The following CAMK2B variants were observed in gnomAD, a reference collection of about 807,000 sequenced individuals.
The protein encoded by CAMK2B is calcium/calmodulin-dependent protein kinase type II subunit beta.
Under a neutral mutation model 93.7 loss-of-function variants are expected in CAMK2B, and 27 were observed. The ratio of observed to expected loss-of-function variants is 0.29; its 90% CI spans 0.21 to 0.40. CAMK2B has a LOEUF of 0.40. Ranked by LOEUF, CAMK2B falls within the 10% of genes least tolerant of loss-of-function variation. The pLI, the probability that CAMK2B is intolerant of heterozygous loss-of-function variation, is 1.00. For synonymous variants in CAMK2B, 374 were observed against 358.8 expected (o/e 1.04, Z -0.48); for missense variants, 568 against 895.8 (o/e 0.63, Z 4.67).
At chr7:44,242,757 G>GACCCCAAT in intron 8 of CAMK2B, 103 bp from the exon 9 acceptor site, 1 of 792,766 alleles carries the variant, frequency 1.3e-6, no homozygotes, top group Non-Finnish European at 2.1e-6. Flanking sequence ...GCCCTGGGAG[G>GACCCCAAT]GCATTGGGGT....
rs1184216923 is a variant in CAMK2B, at chr7:44,220,052, A to G, written c.*2+8T>C. ...TGCCCCAGCTGTCACTTAGCACAGA[A>G]CACTCACCTTCACTGCAGCGGGGCC... On this transcript the variant is annotated splice_region_variant and intron_variant, in intron 23 of 23. Transcript: ENST00000395749. 6.4e-7 allele frequency: 1 copy of G among 1,563,372 alleles called. No homozygotes were observed. The highest frequency in any genetic ancestry group is 2.4e-5 in the East Asian group (1 of 42,432).
intron 1 of CAMK2B, among the ~76,000 whole-genome samples, chr7:44,284,916 G>A (rs1212423138): frequency 6.6e-6 from 1 of 152,196 alleles, no homozygotes. Flanking sequence ...TGACAGCCTG[G>A]GGGTAGGGAG....
Position 44,288,510 on chromosome 7 carries a change from G to A in CAMK2B, c.66-4285C>T, listed in dbSNP as rs573442528. ...TTGCATCTAGACATCAAGGTTGCCC[G>A]CATGATGGCCTGCATGGGACGAATG... On this transcript the variant is annotated intron_variant, in intron 1 of 23. Transcript: ENST00000395749. Among the ~76,000 whole-genome samples, 12 of 152,340 alleles carry A rather than the reference G, an allele frequency of 7.9e-5. No individual in the cohort carries two copies. The East Asian group carries it at 1.9e-3, about 25-fold the overall frequency.
At chr7:44,269,741 G>A (rs779859595) in intron 2 of CAMK2B, among the ~76,000 whole-genome samples, 2 of 152,088 alleles carry the variant, frequency 1.3e-5, no homozygotes, top group African/African-American at 2.4e-5. Context: ...TGTCAGGAGG[G>A]GCTGCCTCCC....
At chr7:44,263,350 G>A (rs1020823307) in intron 2 of CAMK2B, among the ~76,000 whole-genome samples, 2 of 152,232 alleles carry the variant, frequency 1.3e-5, no homozygotes, top group South Asian at 2.1e-4. Flanking sequence ...TAAGTCAGCG[G>A]TGCACTGATT....
At chr7:44,220,765 GC>G (rs887892293) in intron 21 of CAMK2B, 55 bp from the exon 22 acceptor site, 65 of 1,564,580 alleles carry the variant, frequency 4.2e-5, no homozygotes, top group East Asian at 9.4e-5. Context: ...CTCTGAGCAG[GC>G]CCCCCCAAGG....
intron 1 of CAMK2B, among the ~76,000 whole-genome samples, chr7:44,299,016 CA>C (rs1233121077): frequency 6.6e-5 from 10 of 152,116 alleles, no homozygotes; most frequent in Non-Finnish European, 1.5e-4. Flanking sequence ...ATAGAATTAC[CA>C]TATGATCCAG....
chr7:44,316,863 T>G (rs1794933372), intron 1 of CAMK2B, among the ~76,000 whole-genome samples: 1 of 152,186 alleles, frequency 6.6e-6, no homozygotes, highest in South Asian at 2.1e-4. Context: ...AGGTCCCCTG[T>G]GTCATTCCTG....
intron 13 of CAMK2B, among the ~76,000 whole-genome samples, chr7:44,235,489 A>T (rs1739788779): frequency 6.6e-6 from 1 of 152,262 alleles, no homozygotes; most frequent in South Asian, 2.1e-4. Context: ...TAATTACAGA[A>T]CTAAAAAATA....
At chr7:44,316,054 T>C (rs1376191143) in intron 1 of CAMK2B, among the ~76,000 whole-genome samples, 1 of 152,232 alleles carries the variant, frequency 6.6e-6, no homozygotes, top group African/African-American at 2.4e-5. Flanking sequence ...TATCTCTTTT[T>C]CTTGCCTAAT....
chr7:44,269,341 G>A lies in CAMK2B; in HGVS notation c.161-6277C>T, dbSNP rs570774967. Among the ~76,000 whole-genome samples, 15 of 152,288 alleles carry A rather than the reference G, an allele frequency of 9.8e-5. No individual in the cohort carries two copies. In the South Asian group the frequency reaches 2.5e-3, roughly 25 times the overall value. ...CCATGGTGCGACCAGTGCCCCCCGC[G>A]GGGGAAGGAGGGTCTTACAGGACAA... On this transcript the variant is annotated intron_variant, in intron 2 of 23. Transcript: ENST00000395749.
chr7:44,284,254 C>G (rs370842320), intron 1 of CAMK2B, 29 bp from the exon 2 acceptor site: 25 of 1,388,930 alleles, frequency 1.8e-5, no homozygotes, highest in African/African-American at 2.8e-5. Context: ...GAGCGAGAGA[C>G]AGAGACAGAG....
intron 13 of CAMK2B, among the ~76,000 whole-genome samples, chr7:44,236,918 G>A (rs1461802922): frequency 2.0e-5 from 3 of 152,252 alleles, no homozygotes; most frequent in Non-Finnish European, 2.9e-5. Context: ...TCGCCTTGAG[G>A]ACATTTGTCG....
chr7:44,288,815 C>T (rs1267822341), intron 1 of CAMK2B, among the ~76,000 whole-genome samples: 1 of 152,048 alleles, frequency 6.6e-6, no homozygotes, highest in Non-Finnish European at 1.5e-5. Context: ...TGCACCTGCT[C>T]GGGCACCTCC....
chr7:44,277,750 C>T (rs893671039), intron 2 of CAMK2B, among the ~76,000 whole-genome samples: 1 of 151,666 alleles, frequency 6.6e-6, no homozygotes, highest in African/African-American at 2.4e-5. Flanking sequence ...CCATCCCCCA[C>T]CTCCCTGAAT....
chr7:44,229,135 T>C, intron 18 of CAMK2B: 1 of 637,522 alleles, frequency 1.6e-6, no homozygotes, highest in Non-Finnish European at 2.9e-6. Flanking sequence ...AGACTGGAAT[T>C]GAGGCCCGAG....
intron 6 of CAMK2B, among the ~76,000 whole-genome samples, chr7:44,246,207 G>A (rs2096728002): frequency 6.6e-6 from 1 of 152,038 alleles, no homozygotes; most frequent in Admixed American, 6.5e-5. Context: ...CCTGTCACCT[G>A]TGTCCTCATC....
In CAMK2B at chr7:44,271,756, G is replaced by A. The variant is rs1452423376; in HGVS notation, c.161-8692C>T. ...AGTCCTGACCCCAAAGTCAGCTTGG[G>A]CCATGCGGCAGGGACTGCCCATCCA... On this transcript the variant is annotated intron_variant, in intron 2 of 23. Transcript: ENST00000395749. The surrounding 1 kb of genome is among the most constrained non-coding windows in gnomAD (Gnocchi z 4.2). Among the ~76,000 whole-genome samples the A allele has an allele frequency of 6.6e-6, 1 of 152,260 alleles. No individual in the cohort carries two copies. The highest frequency in any genetic ancestry group is 6.5e-5 in the Admixed American group (1 of 15,290).
At chr7:44,240,043 CGA>C (rs1314634030) in intron 12 of CAMK2B, among the ~76,000 whole-genome samples, 1 of 152,126 alleles carries the variant, frequency 6.6e-6, no homozygotes, top group African/African-American at 2.4e-5. Flanking sequence ...AAACGGACAA[CGA>C]GAGAGACGGA....
Sources: allele counts gnomAD v4.1 joint callset (sites outside exome capture counted in the v4.1 genomes callset), GRCh38; gene constraint gnomAD v4.1.1; non-coding constraint Gnocchi (gnomAD v3.1); transcripts MANE v1.5; gene names NCBI Gene and HGNC (gene_info 2026-07-23, HGNC 2026-07-21).